The following FARS2 variants were observed in gnomAD, a reference collection of about 807,000 sequenced individuals.
FARS2 encodes the protein phenylalanyl-tRNA synthetase 2, mitochondrial.
In FARS2, 40 loss-of-function variants were observed where a neutral mutation model predicts 46.4. The ratio of observed to expected loss-of-function variants is 0.86; its 90% CI spans 0.67 to 1.12. The LOEUF (loss-of-function observed/expected upper bound fraction) is 1.12, where lower values mean the gene tolerates loss of function less well. Ranked by LOEUF, FARS2 falls within the 50% of genes most tolerant of loss-of-function variation. The pLI is 0.00. For missense variants in FARS2, 513 were observed against 567.9 expected (o/e 0.90, Z 0.98); for synonymous variants, 234 against 214.9 (o/e 1.09, Z -0.78).
intron 4 of FARS2, among the ~76,000 whole-genome samples, chr6:5,492,197 A>G (rs1215387948): frequency 6.6e-6 from 1 of 152,250 alleles, no homozygotes; most frequent in Non-Finnish European, 1.5e-5. Flanking sequence ...AGTTTCAACT[A>G]CCAAACAACA....
intron 1 of FARS2, among the ~76,000 whole-genome samples, chr6:5,300,036 C>G (rs945263704): frequency 2.0e-5 from 3 of 152,040 alleles, no homozygotes; most frequent in African/African-American, 7.2e-5. Flanking sequence ...GTTTAGATGT[C>G]AAATTTAAAA....
At chr6:5,339,488 G>A (rs1354150475) in intron 1 of FARS2, among the ~76,000 whole-genome samples, 7 of 151,984 alleles carry the variant, frequency 4.6e-5, no homozygotes, top group Non-Finnish European at 7.4e-5. Context: ...GAGTGCAGTG[G>A]TAGAAACACA....
At chr6:5,584,703 C>T (rs1983561) in intron 5 of FARS2, among the ~76,000 whole-genome samples, 82,727 of 151,890 alleles carry the variant, frequency 0.54, 22,644 homozygotes, top group Non-Finnish European at 0.59. Context: ...CATAGATATG[C>T]ATCTGCCCCC....
At chr6:5,256,166 TGAA>T (rs1764655847), upstream of FARS2, among the ~76,000 whole-genome samples, 1 of 152,002 alleles carries the variant, frequency 6.6e-6, no homozygotes, top group African/African-American at 2.4e-5. Flanking sequence ...AGGAGTTGGC[TGAA>T]GAAGAGCCAA....
At chr6:5,717,925 T>TAGAGAGAGAGAG (rs759754794) in intron 6 of FARS2, among the ~76,000 whole-genome samples, 8 of 45,588 alleles carry the variant, frequency 1.8e-4, no homozygotes, top group Non-Finnish European at 2.7e-4. Flanking sequence ...TATATATATA[T>TAGAGAGAGAGAG]ATATATATAT....
At chr6:5,355,778 A>C (rs987542011) in intron 1 of FARS2, among the ~76,000 whole-genome samples, 6 of 152,114 alleles carry the variant, frequency 3.9e-5, no homozygotes, top group Non-Finnish European at 8.8e-5. Context: ...CGAATGGTAA[A>C]ACATAAATTT....
intron 1 of FARS2, among the ~76,000 whole-genome samples, chr6:5,276,210 G>A (rs1766322414): frequency 6.6e-6 from 1 of 152,150 alleles, no homozygotes; most frequent in African/African-American, 2.4e-5. Flanking sequence ...TAGTTTTACC[G>A]TGTCTGGGAA....
intron 6 of FARS2, among the ~76,000 whole-genome samples, chr6:5,728,920 T>C (rs148173420): frequency 9.3e-4 from 142 of 152,222 alleles, no homozygotes; most frequent in Middle Eastern, 6.8e-3. Context: ...TCACTGACTT[T>C]TGAAGGTGGT....
chr6:5,538,614 T>C (rs1418365851), intron 4 of FARS2, among the ~76,000 whole-genome samples: 1 of 152,170 alleles, frequency 6.6e-6, no homozygotes, highest in Non-Finnish European at 1.5e-5. Flanking sequence ...TTTTCTTAAA[T>C]CTAAGATCAA....
intron 6 of FARS2, among the ~76,000 whole-genome samples, chr6:5,626,978 A>G (rs777584370): frequency 1.1e-4 from 16 of 152,234 alleles, no homozygotes; most frequent in Non-Finnish European, 1.9e-4. Context: ...GAGTTGTAAC[A>G]CAATGTTAAG....
chr6:5,730,720 CA>C (rs1760568407), intron 6 of FARS2, among the ~76,000 whole-genome samples: 1 of 152,146 alleles, frequency 6.6e-6, no homozygotes, highest in Non-Finnish European at 1.5e-5. Context: ...AGGTCATGAG[CA>C]AAGTCTTCAC....
intron 6 of FARS2, among the ~76,000 whole-genome samples, chr6:5,636,567 C>T (rs1349249178): frequency 6.6e-6 from 1 of 152,234 alleles, no homozygotes; most frequent in African/African-American, 2.4e-5. Flanking sequence ...TTGCCTTGAG[C>T]AGCAGCAAGG....
chr6:5,770,994 G>A (rs1763012237), intron 6 of FARS2, among the ~76,000 whole-genome samples: 1 of 152,162 alleles, frequency 6.6e-6, no homozygotes, highest in South Asian at 2.1e-4. Flanking sequence ...CCCACCTGCT[G>A]AATCCAAATC....
At chr6:5,261,056 G>A (rs954665546), upstream of FARS2, 5 of 759,760 alleles carry the variant, frequency 6.6e-6, no homozygotes, top group Admixed American at 5.8e-5. Context: ...GCGGCGGGAG[G>A]GCGGGGAAAT....
rs571235711 is a variant in FARS2 at position 5,722,394 on chromosome 6, A to G, written c.1218-48897A>G. On this transcript the variant is annotated intron_variant, in intron 6 of 6. Coordinates refer to ENST00000274680, the MANE Select transcript of FARS2 (RefSeq NM_006567.5). Reference sequence around the variant, plus strand: ...CGTTTTTCTTGTAAAGGGGGAAGATAGATAATAAACAAAATACATCAGGGG... The same window carrying G: ...CGTTTTTCTTGTAAAGGGGGAAGATGGATAATAAACAAAATACATCAGGGG... 5.3e-4 allele frequency among the ~76,000 whole-genome samples: 81 copies of G among 152,368 alleles called. No individual in the cohort carries two copies. The South Asian group carries it at 0.016, about 30-fold the overall frequency.
At chr6:5,617,300 A>G (rs1195826272) in intron 6 of FARS2, among the ~76,000 whole-genome samples, 1 of 152,248 alleles carries the variant, frequency 6.6e-6, no homozygotes, top group Non-Finnish European at 1.5e-5. Flanking sequence ...ATTGGCACTG[A>G]TCTTACAATG....
intron 1 of FARS2, among the ~76,000 whole-genome samples, chr6:5,317,547 G>A (rs535685091): frequency 7.1e-4 from 107 of 151,660 alleles, no homozygotes; most frequent in African/African-American, 2.4e-3. Flanking sequence ...TTGGGAGGCC[G>A]GGGCAAGAGG....
intron 4 of FARS2, among the ~76,000 whole-genome samples, chr6:5,495,681 A>G (rs1767418638): frequency 6.6e-6 from 1 of 152,168 alleles, no homozygotes; most frequent in Non-Finnish European, 1.5e-5. Flanking sequence ...GTTTTATCCA[A>G]AATTAAACCA....
At chr6:5,420,112 C>T (rs1484067595) in intron 3 of FARS2, among the ~76,000 whole-genome samples, 4 of 152,122 alleles carry the variant, frequency 2.6e-5, no homozygotes, top group Middle Eastern at 3.2e-3. Flanking sequence ...TGCAGGGAAA[C>T]TCCCATTTTT....
Sources: gnomAD v4.1 joint callset for allele counts (sites outside exome capture counted in the v4.1 genomes callset) on GRCh38, gnomAD v4.1.1 for gene constraint, MANE v1.5 for transcripts, NCBI Gene and HGNC (gene_info 2026-07-23, HGNC 2026-07-21) for gene names.